The following ATP1B3 variants were observed in gnomAD, a reference collection of about 807,000 sequenced individuals.
ATP1B3 encodes the protein sodium/potassium-transporting ATPase subunit beta-3.
A neutral mutation model predicts 30.2 loss-of-function variants in ATP1B3; 10 were observed. The observed-to-expected ratio is 0.33, with a 90% CI of 0.20 to 0.56. ATP1B3 has a LOEUF of 0.56. Among genes scored for constraint, ATP1B3 ranks in the 20% least tolerant of loss-of-function variants. The probability of loss-of-function intolerance (pLI) is 0.90; values close to 1 mark genes in which losing one functional copy is unlikely to be tolerated. For synonymous variants in ATP1B3, 113 were observed against 117.0 expected (o/e 0.97, Z 0.22); for missense variants, 238 against 336.7 (o/e 0.71, Z 2.29).
At chr3:141,910,691 A>C (rs747643346) in intron 3 of ATP1B3, among the ~76,000 whole-genome samples, 43 of 151,954 alleles carry the variant, frequency 2.8e-4, no homozygotes, top group Non-Finnish European at 5.6e-4. Flanking sequence ...TTTCTACATC[A>C]GCCTTTTACT....
At chr3:141,884,960 G>A (rs747942954) in intron 1 of ATP1B3, among the ~76,000 whole-genome samples, 4 of 152,084 alleles carry the variant, frequency 2.6e-5, no homozygotes, top group Admixed American at 6.6e-5. Context: ...CCAGGCCCCT[G>A]TTTATTGTCA....
Position 141,925,615 on chromosome 3 carries a change from A to G in ATP1B3, c.754A>G (p.Ile252Val). The G allele has an allele frequency of 6.2e-7, 1 of 1,613,706 alleles. No homozygotes were observed. The highest frequency in any genetic ancestry group is 8.5e-7 in the Non-Finnish European group (1 of 1,179,864). Residue 252 changes from isoleucine to valine, a missense_variant, in exon 7 of 7, where the codon ATT becomes GTT. This residue lies in a region of ATP1B3 where 50 missense variants were observed against 62.3 expected (regional missense o/e 0.80). Coordinates refer to ENST00000286371, the MANE Select transcript of ATP1B3 (RefSeq NM_001679.4). ...TGKEVTVECK[I>V]DGSANLKSQD... is the part of the protein sequence containing the mutation. ...GAAAGAAGTAACAGTTGAGTGCAAGATTGATGGATCAGCCAACCTAAAAAG... is the reference window on the plus strand; with the variant it reads ...GAAAGAAGTAACAGTTGAGTGCAAGGTTGATGGATCAGCCAACCTAAAAAG...
At chr3:141,923,765 T>G (rs1272957994) in intron 6 of ATP1B3, among the ~76,000 whole-genome samples, 1 of 152,250 alleles carries the variant, frequency 6.6e-6, no homozygotes, top group African/African-American at 2.4e-5. Flanking sequence ...GTCTGTTTCA[T>G]GGCTTTGTAC....
chr3:141,894,413 C>T (rs1410933669), intron 1 of ATP1B3, among the ~76,000 whole-genome samples: 1 of 152,016 alleles, frequency 6.6e-6, no homozygotes, highest in Non-Finnish European at 1.5e-5. Context: ...CCATCTCAGC[C>T]TCCCAAAGCT....
intron 1 of ATP1B3, among the ~76,000 whole-genome samples, chr3:141,884,166 A>C (rs1300666456): frequency 2.6e-5 from 4 of 152,024 alleles, no homozygotes; most frequent in African/African-American, 9.7e-5. Context: ...TTTTTTTAAC[A>C]TAATAACCTC....
At chr3:141,917,408 A>G (rs1934484935) in intron 5 of ATP1B3, among the ~76,000 whole-genome samples, 1 of 152,060 alleles carries the variant, frequency 6.6e-6, no homozygotes, top group South Asian at 2.1e-4. Flanking sequence ...ACAAAAAGCC[A>G]GAGTCAGCTG....
In ATP1B3 at chr3:141,907,213, C is replaced by G; in HGVS notation, c.285C>G (p.Phe95Leu). The G allele has an allele frequency of 6.2e-7, 1 of 1,612,530 alleles. No homozygotes were observed. Among genetic ancestry groups the G allele is most frequent in the Non-Finnish European group, 8.5e-7 (1 of 1,179,396 alleles). ...PKPVTALEYT[F>L]SRSDPTSYAG... Reference sequence around the variant, plus strand: ...CAGTGACCGCATTGGAATATACATTCAGTAGGTCTGATCCAACTTCGTATG... The same window carrying G: ...CAGTGACCGCATTGGAATATACATTGAGTAGGTCTGATCCAACTTCGTATG... The change falls in exon 3 of 7, where the codon TTC becomes TTG. Residue 95 changes from phenylalanine to leucine, a missense_variant. Physicochemically the swap from Phe to Leu is conservative, Grantham distance 22 (BLOSUM62 0). Coordinates refer to ENST00000286371, the MANE Select transcript of ATP1B3 (RefSeq NM_001679.4).
At chr3:141,916,456 A>G in intron 5 of ATP1B3, 2 of 780,402 alleles carry the variant, frequency 2.6e-6, no homozygotes, top group South Asian at 1.4e-5. Flanking sequence ...AGCATTATTT[A>G]TCTCCCCTAT....
At chr3:141,914,878 A>G (rs1934428029) in intron 4 of ATP1B3, among the ~76,000 whole-genome samples, 1 of 152,236 alleles carries the variant, frequency 6.6e-6, no homozygotes, top group Non-Finnish European at 1.5e-5. Flanking sequence ...GACAGCTTCC[A>G]GATTGTCCCA....
intron 3 of ATP1B3, among the ~76,000 whole-genome samples, chr3:141,910,771 C>T (rs1298358176): frequency 1.5e-5 from 1 of 68,396 alleles, no homozygotes; most frequent in African/African-American, 8.8e-5. Context: ...TTGGCTCTTG[C>T]CCTGCCCCCC....
intron 2 of ATP1B3, among the ~76,000 whole-genome samples, chr3:141,905,497 A>C (rs1018237434): frequency 6.6e-6 from 1 of 152,218 alleles, no homozygotes; most frequent in Admixed American, 6.5e-5. Flanking sequence ...TAGACTTCTG[A>C]GCTATATCAC....
chr3:141,893,959 A>G (rs943773698), intron 1 of ATP1B3, among the ~76,000 whole-genome samples: 2 of 152,212 alleles, frequency 1.3e-5, no homozygotes, highest in African/African-American at 4.8e-5. Context: ...AGCCCTCTAG[A>G]CATATAGGCC....
At chr3:141,880,081 A>T (rs182221152) in intron 1 of ATP1B3, among the ~76,000 whole-genome samples, 1 of 152,062 alleles carries the variant, frequency 6.6e-6, no homozygotes, top group African/African-American at 2.4e-5. Context: ...TTAAGTCTTT[A>T]GTATGTTTGT....
At chr3:141,887,811 C>T (rs1301589583) in intron 1 of ATP1B3, among the ~76,000 whole-genome samples, 2 of 152,090 alleles carry the variant, frequency 1.3e-5, no homozygotes, top group Non-Finnish European at 2.9e-5. Flanking sequence ...AGAGTACATA[C>T]TATATGGTTT....
chr3:141,885,840 A>C (rs1933818687), intron 1 of ATP1B3, among the ~76,000 whole-genome samples: 1 of 151,378 alleles, frequency 6.6e-6, no homozygotes, highest in Non-Finnish European at 1.5e-5. Context: ...TCCAGCTTCA[A>C]ATAGACGATT....
At chr3:141,880,169 A>G (rs778211587) in intron 1 of ATP1B3, among the ~76,000 whole-genome samples, 1 of 152,160 alleles carries the variant, frequency 6.6e-6, no homozygotes, top group Non-Finnish European at 1.5e-5. Context: ...TAGTTTTGCT[A>G]TTTACATTTT....
At chr3:141,890,013 T>G (rs1011236101) in intron 1 of ATP1B3, among the ~76,000 whole-genome samples, 1 of 150,294 alleles carries the variant, frequency 6.7e-6, no homozygotes, top group Non-Finnish European at 1.5e-5. Context: ...TTGGTTTAAT[T>G]TGTAATTTCT....
At chr3:141,925,433 T>G (rs1353512867) in intron 6 of ATP1B3, 98 bp from the exon 7 acceptor site, 2 of 1,353,780 alleles carry the variant, frequency 1.5e-6, no homozygotes, top group Non-Finnish European at 2.0e-6. Flanking sequence ...TGGGCAACAG[T>G]CTCAAAAAGA....
intron 3 of ATP1B3, among the ~76,000 whole-genome samples, chr3:141,908,089 T>TTTA (rs1553744971): frequency 1.1e-4 from 14 of 130,568 alleles, no homozygotes; most frequent in South Asian, 6.8e-4. Context: ...TTTTTTTTTT[T>TTTA]ATTATACTTT....
Sources: gnomAD v4.1 joint callset for allele counts (sites outside exome capture counted in the v4.1 genomes callset) on GRCh38, gnomAD v4.1.1 for gene constraint, gnomAD v4.1.1 regional missense constraint, MANE v1.5 for transcripts, NCBI Gene and HGNC (gene_info 2026-07-23, HGNC 2026-07-21) for gene names.